VPS26B: variants seen among roughly 807,000 people sequenced by gnomAD.
The protein encoded by VPS26B is VPS26 retromer complex component B, also known as vacuolar protein sorting-associated protein 26B.
Under a neutral mutation model 33.3 loss-of-function variants are expected in VPS26B, and 10 were observed. The observed-to-expected ratio is 0.30, with a 90% confidence interval of 0.19 to 0.51. The LOEUF (loss-of-function observed/expected upper bound fraction) is 0.51. Ranked by LOEUF, VPS26B falls within the 20% of genes least tolerant of loss-of-function variation. VPS26B has a pLI of 0.98. For missense variants in VPS26B, 317 were observed against 452.7 expected (o/e 0.70, Z 2.72); for synonymous variants, 190 against 176.9 (o/e 1.07, Z -0.59).
At chr11:134,228,044 G>A (rs1409647361) in intron 1 of VPS26B, among the ~76,000 whole-genome samples, 4 of 152,238 alleles carry the variant, frequency 2.6e-5, no homozygotes, top group Non-Finnish European at 4.4e-5. Context: ...TATTGTTCAC[G>A]CTCAATTATC....
At position 134,245,296 on chromosome 11, in the gene VPS26B, G is replaced by T. The variant is rs1011515528; in HGVS notation, c.865-148G>T. 36 of 1,321,626 alleles carry T rather than the reference G, an allele frequency of 2.7e-5. No individual in the cohort carries two copies. Among genetic ancestry groups the T allele is most frequent in the Non-Finnish European group, 6.2e-6 (6 of 967,354 alleles). 81.9% of individuals were successfully genotyped at this position (1,321,626 alleles called of 1,614,324 possible). A position where few individuals can be genotyped will look rare whatever the true frequency, so the allele number is the denominator to read the frequency against. On this transcript the variant is annotated intron_variant, in intron 5 of 5. Transcript: ENST00000281187. This position sits in a 1 kb window ranked among gnomAD's most constrained non-coding sequence, Gnocchi z 4.7. ...CCCTTTTGGCCCACACCAGGGACAG[G>T]GAGGTGCTGGCAGCTGCTGCCTTTG... is the stretch of plus-strand genomic sequence containing the variant.
chr11:134,236,319 T>C (rs2136049699), intron 2 of VPS26B: 1 of 152,340 alleles, frequency 6.6e-6, no homozygotes, highest in East Asian at 1.9e-4. Flanking sequence ...GGATTTATTA[T>C]TTAATTTTTT....
rs1555057530 is a variant in VPS26B, at chr11:134,240,788, T to TCC, written c.545+633_545+634insCC. 2.5e-5 allele frequency among the ~76,000 whole-genome samples: 3 copies of TCC among 119,438 alleles called. No homozygotes were observed. The highest frequency in any genetic ancestry group is 6.5e-5 in the African/African-American group (2 of 30,644). The allele number at this position is 119,438 out of a possible 152,430, so 78.4% of individuals were successfully genotyped here. A position where few individuals can be genotyped will look rare whatever the true frequency, so the allele number is the denominator to read the frequency against. ...TAATTTGTGTCCGTGTGTGTGTGTG[T>TCC]GTGTCCGTGTGTGTGTGTGTGTGTG... On this transcript the variant is annotated intron_variant, in intron 3 of 5. Transcript: ENST00000281187. This position sits in a 1 kb window ranked among gnomAD's most constrained non-coding sequence, Gnocchi z 4.4.
chr11:134,232,859 GA>G (rs979490553), intron 1 of VPS26B, among the ~76,000 whole-genome samples: 2 of 152,140 alleles, frequency 1.3e-5, no homozygotes, highest in African/African-American at 4.8e-5. Context: ...GCTTCCACAC[GA>G]AAGCCAACAC....
chr11:134,241,547 CTCTGCGG>C (rs1938725705), intron 3 of VPS26B, among the ~76,000 whole-genome samples: 1 of 152,304 alleles, frequency 6.6e-6, no homozygotes, highest in Admixed American at 6.5e-5. Flanking sequence ...AGCCTCAGGG[CTCTGCGG>C]TCCTGCCCAG....
chr11:134,243,257 A>G lies in VPS26B; in HGVS notation c.684A>G (p.Ile228Met). 2 of 1,614,162 alleles carry G rather than the reference A, an allele frequency of 1.2e-6. No individual in the cohort carries two copies. Among genetic ancestry groups the G allele is most frequent in the Non-Finnish European group, 1.7e-6 (2 of 1,179,990 alleles). The change falls in exon 4 of 6, where the codon ATA becomes ATG. Residue 228 changes from isoleucine (I) to methionine (M), a missense_variant. Physicochemically the swap from Ile to Met is conservative, Grantham distance 10. Transcript: ENST00000281187. Reference protein sequence around the residue: ...GPNVYHENDTIAKYEIMDGAP... With the variant: ...GPNVYHENDTMAKYEIMDGAP... Reference sequence around the variant, plus strand: ...ACGTGTACCATGAGAATGACACGATAGCCAAGTACGAGATCATGGACGGGG... The same window carrying G: ...ACGTGTACCATGAGAATGACACGATGGCCAAGTACGAGATCATGGACGGGG...
chr11:134,235,828 T>C (rs751222282), intron 2 of VPS26B: 1 of 152,196 alleles, frequency 6.6e-6, no homozygotes, highest in African/African-American at 2.4e-5. Context: ...ACAGCAGATA[T>C]AGACTGTTAG....
chr11:134,225,978 G>C (rs1938458687), intron 1 of VPS26B, among the ~76,000 whole-genome samples: 1 of 152,190 alleles, frequency 6.6e-6, no homozygotes, highest in Non-Finnish European at 1.5e-5. Context: ...GCGTTTCTTA[G>C]ACTTCTTTAT....
chr11:134,225,471 G>A (rs1222263788), intron 1 of VPS26B, 126 bp downstream of exon 1: 1 of 967,968 alleles, frequency 1.0e-6, no homozygotes, highest in Non-Finnish European at 1.6e-6. Context: ...TGAGGCCTGG[G>A]GTTCAGCTAC....
At chr11:134,238,680 C>G (rs564570926) in intron 2 of VPS26B, among the ~76,000 whole-genome samples, 8 of 152,314 alleles carry the variant, frequency 5.3e-5, no homozygotes, top group Non-Finnish European at 2.9e-5. Context: ...ACCGCAAGCT[C>G]CGCCTCCTGG....
intron 1 of VPS26B, among the ~76,000 whole-genome samples, chr11:134,228,208 G>A (rs924816808): frequency 1.3e-5 from 2 of 152,048 alleles, no homozygotes; most frequent in South Asian, 4.1e-4. Context: ...TTGTGTTCCT[G>A]AAATACACAC....
chr11:134,234,211 T>G (rs1938598687), intron 1 of VPS26B, among the ~76,000 whole-genome samples: 1 of 152,202 alleles, frequency 6.6e-6, no homozygotes. Flanking sequence ...GCCTTCCTTT[T>G]GGAGTAATAA....
In VPS26B at chr11:134,244,911, G is replaced by A; in HGVS notation, c.722-27G>A. ...GGGAGAGGGCATCACCTTGCCCCCT[G>A]TGCTGACTCCTGCCCTCCCCCTACA... On this transcript the variant is annotated intron_variant, in intron 4 of 5. Transcript: ENST00000281187. This position sits in a 1 kb window ranked among gnomAD's most constrained non-coding sequence, Gnocchi z 4.0. The A allele has an allele frequency of 2.5e-6, 4 of 1,607,408 alleles. No individual in the cohort carries two copies. Among genetic ancestry groups the A allele is most frequent in the African/African-American group, 1.3e-5 (1 of 75,028 alleles).
At chr11:134,233,443 G>C (rs1414928696) in intron 1 of VPS26B, among the ~76,000 whole-genome samples, 1 of 152,354 alleles carries the variant, frequency 6.6e-6, no homozygotes. Flanking sequence ...GCTTACCTCG[G>C]CCGGGCACGG....
intron 4 of VPS26B, 151 bp downstream of exon 4, chr11:134,243,445 A>T (rs1031285473): frequency 1.0e-6 from 1 of 962,798 alleles, no homozygotes; most frequent in Admixed American, 2.9e-5. Flanking sequence ...GTGGGTGGCC[A>T]TAAGGAAGAA....
intron 1 of VPS26B, among the ~76,000 whole-genome samples, chr11:134,229,835 T>G (rs1005730457): frequency 6.6e-6 from 1 of 152,202 alleles, no homozygotes; most frequent in East Asian, 1.9e-4. Context: ...CTCGCCTCCC[T>G]ATTGGTTAAT....
intron 1 of VPS26B, among the ~76,000 whole-genome samples, chr11:134,227,144 C>T (rs1369541302): frequency 2.6e-5 from 4 of 152,126 alleles, no homozygotes; most frequent in African/African-American, 4.8e-5. Context: ...CCCCCACTTG[C>T]GACCACAAAA....
chr11:134,245,559 G>C lies in VPS26B; in HGVS notation c.980G>C (p.Ser327Thr). 6.2e-7 allele frequency: 1 copy of C among 1,612,462 alleles called. No homozygotes were observed. Among genetic ancestry groups the C allele is most frequent in the Non-Finnish European group, 8.5e-7 (1 of 1,179,866 alleles). Reference sequence around the variant, plus strand: ...TCCCTGGGTGAGGTGCGGACCCCCAGCCAGCTGTCTGACAACAACTGCAGG... The same window carrying C: ...TCCCTGGGTGAGGTGCGGACCCCCACCCAGCTGTCTGACAACAACTGCAGG... The part of the protein sequence containing the change: ...TTSLGEVRTP[S>T]QLSDNNCRQ Residue 327 changes from serine to threonine, a missense_variant, in exon 6 of 6, where the codon AGC becomes ACC. Coordinates refer to ENST00000281187, the MANE Select transcript of VPS26B (RefSeq NM_052875.5). The surrounding 1 kb of genome is among the most constrained non-coding windows in gnomAD (Gnocchi z 4.7).
chr11:134,243,414 C>A (rs1218703529), intron 4 of VPS26B, 120 bp downstream of exon 4: 1 of 1,218,510 alleles, frequency 8.2e-7, no homozygotes, highest in African/African-American at 1.5e-5. Flanking sequence ...CCTGTAACTT[C>A]TTAATCTCTC....
Sources: allele counts gnomAD v4.1 joint callset (sites outside exome capture counted in the v4.1 genomes callset), GRCh38; gene constraint gnomAD v4.1.1; non-coding constraint Gnocchi (gnomAD v3.1); transcripts MANE v1.5; gene names NCBI Gene and HGNC (gene_info 2026-07-23, HGNC 2026-07-21).